Variants in ZC3HC1 observed in about 807,000 individuals in gnomAD.
The protein encoded by ZC3HC1 is zinc finger C3HC-type containing 1, also known as zinc finger C3HC-type protein 1.
A neutral mutation model predicts 61.9 loss-of-function variants in ZC3HC1; 38 were observed. That is an observed-to-expected ratio of 0.61 (90% CI 0.47 to 0.81). The LOEUF (loss-of-function observed/expected upper bound fraction) is 0.81. Ranked by LOEUF, ZC3HC1 falls within the 30% of genes least tolerant of loss-of-function variation. ZC3HC1 has a pLI of 0.00. For missense variants in ZC3HC1, 554 were observed against 622.7 expected (o/e 0.89, Z 1.17); for synonymous variants, 213 against 229.9 (o/e 0.93, Z 0.67).
Position 130,040,954 on chromosome 7 carries a change from T to G in ZC3HC1, c.406A>C (p.Arg136=). The part of the protein sequence containing the change: ...ASLQPAFDFD[R]YKQRCAELKK... ...GTAATTTGTACCTTATACTTACATC[T>G]GTCAAAGTCAAAAGCTGGTTGTAAA... Residue 136 remains arginine, a synonymous_variant, in exon 3 of 10, where the codon AGA becomes CGA. Transcript: ENST00000358303. 1.9e-6 allele frequency: 3 copies of G among 1,611,062 alleles called. No homozygotes were observed. The highest frequency in any genetic ancestry group is 2.5e-6 in the Non-Finnish European group (3 of 1,179,098).
intron 1 of ZC3HC1, among the ~76,000 whole-genome samples, chr7:130,050,720 T>C (rs1417098987): frequency 1.3e-5 from 2 of 152,226 alleles, no homozygotes; most frequent in Admixed American, 6.5e-5. Flanking sequence ...AAAATTATGG[T>C]TGACAACACA....
At chr7:130,040,923 A>G (rs750887264) in intron 3 of ZC3HC1, 28 bp downstream of exon 3, 11 of 1,586,430 alleles carry the variant, frequency 6.9e-6, no homozygotes, top group African/African-American at 1.4e-5. Context: ...GAGTGTGGAG[A>G]AAAATGTAAT....
At chr7:130,041,311 C>T (rs879284206) in intron 2 of ZC3HC1, among the ~76,000 whole-genome samples, 1 of 151,908 alleles carries the variant, frequency 6.6e-6, no homozygotes, top group African/African-American at 2.4e-5. Context: ...CCTCAGCCTC[C>T]CAAGTTGCTG....
intron 3 of ZC3HC1, among the ~76,000 whole-genome samples, chr7:130,040,390 A>C (rs1215123978): frequency 7.2e-6 from 1 of 139,860 alleles, no homozygotes; most frequent in African/African-American, 3.0e-5. Flanking sequence ...GCTACTTGGG[A>C]GGCTGAGGCA....
intron 1 of ZC3HC1, among the ~76,000 whole-genome samples, chr7:130,049,717 A>AT (rs1378908852): frequency 1.3e-5 from 2 of 151,492 alleles, no homozygotes; most frequent in Admixed American, 1.3e-4. Flanking sequence ...GGCCCGGCTA[A>AT]TTTTTTGTAT....
At chr7:130,042,471 C>T (rs553084603) in intron 2 of ZC3HC1, among the ~76,000 whole-genome samples, 3 of 152,164 alleles carry the variant, frequency 2.0e-5, no homozygotes, top group Non-Finnish European at 4.4e-5. Flanking sequence ...TATTTTCTGC[C>T]ATTCACCTAT....
intron 3 of ZC3HC1, among the ~76,000 whole-genome samples, chr7:130,039,858 G>A (rs1243554484): frequency 6.6e-6 from 1 of 151,696 alleles, no homozygotes; most frequent in East Asian, 2.0e-4. Flanking sequence ...AGGCCCAAGC[G>A]ATGCTCCTGC....
In ZC3HC1 at chr7:130,024,482, G is replaced by T. The variant is rs940395817; in HGVS notation, c.801C>A (p.Leu267=). 2 of 1,609,934 alleles carry T rather than the reference G, an allele frequency of 1.2e-6. No individual in the cohort carries two copies. The highest frequency in any genetic ancestry group is 2.7e-5 in the African/African-American group (2 of 74,730). The stretch of plus-strand genomic sequence containing the variant: ...TACATTGCGAACATGTTATCAGGGA[G>T]AGCTGCATGGATTCCAAAGAGGAAC... The part of the protein sequence containing the change: ...ACSSSLESMQ[L]SLITCSQCMR... Residue 267 remains leucine, a synonymous_variant, in exon 7 of 10, where the codon CTC becomes CTA. Transcript: ENST00000358303.
chr7:130,028,928 G>C lies in ZC3HC1; in HGVS notation c.595C>G (p.Leu199Val). Residue 199 changes from leucine to valine, a missense_variant, in exon 5 of 10, where the codon CTA becomes GTA. By Grantham distance (32) the Leu-to-Val change is conservative. Transcript: ENST00000358303. ...LCHLDLQLPSLRPEDLKTMCL... is the reference protein window; with the variant it reads ...LCHLDLQLPSVRPEDLKTMCL... ...ATAGTTTTCAAGTCCTCCGGCCTTA[G>C]GGAAGGAAGCTGGAGGTCCAAGTGA... 6.2e-7 allele frequency: 1 copy of C among 1,613,640 alleles called. No individual in the cohort carries two copies. Among genetic ancestry groups the C allele is most frequent in the Non-Finnish European group, 8.5e-7 (1 of 1,179,704 alleles).
chr7:130,049,020 T>TA lies in ZC3HC1; in HGVS notation c.258+12dup. ...GGCAGAAAGTGCAATTCACATGAAC[T>TA]AAAAAAGGATATAGAAAATGTTTCC... On this transcript the variant is annotated intron_variant, in intron 2 of 9. Coordinates refer to ENST00000358303, the MANE Select transcript of ZC3HC1 (RefSeq NM_016478.5). 6.3e-7 allele frequency: 1 copy of TA among 1,585,324 alleles called. No individual in the cohort carries two copies. The highest frequency in any genetic ancestry group is 1.2e-5 in the South Asian group (1 of 85,312).
intron 1 of ZC3HC1, among the ~76,000 whole-genome samples, chr7:130,050,789 T>C (rs1215140646): frequency 6.6e-6 from 1 of 152,250 alleles, no homozygotes; most frequent in African/African-American, 2.4e-5. Context: ...AACTTTTTCC[T>C]TTTACCATCT....
At chr7:130,047,560 C>T (rs950435623) in intron 2 of ZC3HC1, among the ~76,000 whole-genome samples, 1 of 151,978 alleles carries the variant, frequency 6.6e-6, no homozygotes, top group East Asian at 1.9e-4. Context: ...ACTCCCAACC[C>T]TCTGGGAGGC....
At chr7:130,034,175 CT>C (rs769356635) in intron 4 of ZC3HC1, among the ~76,000 whole-genome samples, 5,121 of 139,640 alleles carry the variant, frequency 0.037, 210 homozygotes, top group African/African-American at 0.11. Context: ...CTTTCATTTC[CT>C]TTTTTTTTTT....
At position 130,041,007 on chromosome 7, in the gene ZC3HC1, G is replaced by A; in HGVS notation, c.353C>T (p.Ser118Phe). The stretch of plus-strand genomic sequence containing the variant: ...GGCACAGAGAAAAGCTTGACAGCTA[G>A]AGCACTTGAGCATATCACATTCCAC... ...VTVECDMLKC[S>F]SCQAFLCASL... The change falls in exon 3 of 10, where the codon TCT becomes TTT. Residue 118 changes from serine (S) to phenylalanine (F), a missense_variant. Physicochemically the swap from Ser to Phe is radical, Grantham distance 155 (BLOSUM62 -2). Transcript: ENST00000358303. 4 of 1,613,928 alleles carry A rather than the reference G, an allele frequency of 2.5e-6. No homozygotes were observed. Among genetic ancestry groups the A allele is most frequent in the Non-Finnish European group, 2.5e-6 (3 of 1,179,998 alleles).
At chr7:130,026,966 T>A in intron 5 of ZC3HC1, 1 of 123,854 alleles carries the variant, frequency 8.1e-6, no homozygotes. Context: ...CAAGACTCCG[T>A]ATCAAAAAAA....
In ZC3HC1 at chr7:130,024,894, CTTTTTTTTTTT is replaced by C. The variant is rs544256735; in HGVS notation, c.777-399_777-389del. On this transcript the variant is annotated intron_variant, in intron 6 of 9. Coordinates refer to ENST00000358303, the MANE Select transcript of ZC3HC1 (RefSeq NM_016478.5). Reference sequence around the variant, plus strand: ...AACACAAAAAGTTTCTCCTGTCCCTCTTTTTTTTTTTTTTTTTTTTTTTTTTTTGAGTCAGA... The same window carrying C: ...AACACAAAAAGTTTCTCCTGTCCCTCTTTTTTTTTTTTTTTTTGAGTCAGA... 3.0e-3 allele frequency among the ~76,000 whole-genome samples: 110 copies of C among 37,142 alleles called. 2 individuals carry two copies. The highest frequency in any genetic ancestry group is 0.016 in the Admixed American group (41 of 2,576). 24.4% of individuals were successfully genotyped at this position (37,142 alleles called of 152,430 possible). A position where few individuals can be genotyped will look rare whatever the true frequency, so the allele number is the denominator to read the frequency against.
chr7:130,051,191 G>T, intron 1 of ZC3HC1, 30 bp downstream of exon 1: 1 of 1,570,102 alleles, frequency 6.4e-7, no homozygotes, highest in Non-Finnish European at 8.6e-7. Flanking sequence ...ATCTTCCAAC[G>T]CCGGACCCAG....
intron 2 of ZC3HC1, chr7:130,045,585 C>T: frequency 2.2e-6 from 1 of 454,554 alleles, no homozygotes; most frequent in Admixed American, 2.4e-5. Flanking sequence ...CTTTGGATCT[C>T]ATTTGCTGCA....
At chr7:130,027,302 C>T (rs1196794504) in intron 5 of ZC3HC1, 1 of 152,166 alleles carries the variant, frequency 6.6e-6, no homozygotes, top group Admixed American at 6.6e-5. Context: ...ACCCTGAACG[C>T]GTCCAGTCTC....
Sources: gnomAD v4.1 joint callset for allele counts (sites outside exome capture counted in the v4.1 genomes callset) on GRCh38, gnomAD v4.1.1 for gene constraint, MANE v1.5 for transcripts, NCBI Gene and HGNC (gene_info 2026-07-23, HGNC 2026-07-21) for gene names.